Variants in PRRC2B observed in about 807,000 individuals in gnomAD.
PRRC2B encodes the protein proline rich coiled-coil 2B.
Under a neutral mutation model 242.3 loss-of-function variants are expected in PRRC2B, and 68 were observed. The ratio of observed to expected loss-of-function variants is 0.28; its 90% CI spans 0.23 to 0.34. The LOEUF (loss-of-function observed/expected upper bound fraction) is 0.34. Ranked by LOEUF, PRRC2B falls within the 10% of genes least tolerant of loss-of-function variation. The probability of loss-of-function intolerance (pLI) is 1.00; values close to 1 mark genes in which losing one functional copy is unlikely to be tolerated. For synonymous variants in PRRC2B, 1,228 were observed against 1,173.6 expected, an observed-to-expected ratio of 1.05 and a Z score of -0.95; for missense variants, 2,835 against 2,954.8, an observed-to-expected ratio of 0.96 and a Z score of 0.94.
intron 15 of PRRC2B, among the ~76,000 whole-genome samples, chr9:131,473,977 G>GGGCAGGCGGGTGGGGGCTTCACAA (rs1943615424): frequency 6.6e-6 from 1 of 152,202 alleles, no homozygotes; most frequent in Admixed American, 6.5e-5. Context: ...CCTGGGCACA[G>GGGCAGGCGGGTGGGGGCTTCACAA]GGCAGGCGGG....
chr9:131,398,945 T>C (rs1837142803), intron 1 of PRRC2B, among the ~76,000 whole-genome samples: 2 of 152,064 alleles, frequency 1.3e-5, no homozygotes, highest in African/African-American at 4.8e-5. Flanking sequence ...GCCACTGCAC[T>C]CTAGCCTGGG....
intron 2 of PRRC2B, among the ~76,000 whole-genome samples, chr9:131,431,585 AT>A (rs756659610): frequency 0.011 from 1,410 of 132,944 alleles, 10 homozygotes; most frequent in Middle Eastern, 0.031. Flanking sequence ...TTAATAAAGA[AT>A]TTTTTTTTTT....
intron 1 of PRRC2B, among the ~76,000 whole-genome samples, chr9:131,380,556 A>C (rs1475342849): frequency 6.7e-6 from 1 of 150,374 alleles, no homozygotes; most frequent in Non-Finnish European, 1.5e-5. Flanking sequence ...TCCAGCCTGC[A>C]AAACAGAGCA....
rs568229258 is a variant in PRRC2B, at chr9:131,450,808, G to A, written c.1120+3004G>A. On this transcript the variant is annotated intron_variant, in intron 9 of 31. Transcript: ENST00000683519. ...TCACCATGTTGGCCAGGCTGATCTC[G>A]AACTCCTGACCTCAGGTGATAGGTC... is the stretch of plus-strand genomic sequence containing the variant. 7.9e-5 allele frequency among the ~76,000 whole-genome samples: 12 copies of A among 151,898 alleles called. No homozygotes were observed. The South Asian group carries it at 1.3e-3, about 16-fold the overall frequency.
intron 13 of PRRC2B, 84 bp from the exon 14 acceptor site, chr9:131,470,704 G>A: frequency 8.5e-7 from 1 of 1,171,702 alleles, no homozygotes; most frequent in Non-Finnish European, 1.2e-6. Context: ...GCTGCCAGCT[G>A]GAAAGCTGGA....
intron 1 of PRRC2B, among the ~76,000 whole-genome samples, chr9:131,426,946 G>A (rs1257749705): frequency 6.6e-6 from 1 of 152,210 alleles, no homozygotes; most frequent in Non-Finnish European, 1.5e-5. Context: ...ATTTGGGTGA[G>A]GGAAGGGAGT....
chr9:131,383,832 A>G (rs1193434234), intron 1 of PRRC2B, among the ~76,000 whole-genome samples: 1 of 151,854 alleles, frequency 6.6e-6, no homozygotes. Context: ...TGTGTTAGCC[A>G]GGATGGTCTG....
At chr9:131,402,113 G>C in intron 1 of PRRC2B, among the ~76,000 whole-genome samples, 1 of 152,106 alleles carries the variant, frequency 6.6e-6, no homozygotes, top group Middle Eastern at 3.4e-3. Context: ...GGGATTACAG[G>C]TCTGGCTAAT....
chr9:131,439,789 A>G (rs1240370605), intron 5 of PRRC2B, among the ~76,000 whole-genome samples: 1 of 152,218 alleles, frequency 6.6e-6, no homozygotes, highest in Non-Finnish European at 1.5e-5. Flanking sequence ...GCAGGAGTGC[A>G]GTGGCACAAT....
At chr9:131,439,204 C>T (rs1186504807) in intron 5 of PRRC2B, 143 bp downstream of exon 5, 3 of 688,204 alleles carry the variant, frequency 4.4e-6, no homozygotes, top group Non-Finnish European at 7.7e-6. Context: ...GGAGCCCTTG[C>T]CTGTGCACAG....
Position 131,484,763 on chromosome 9 carries a change from C to T in PRRC2B, c.5538C>T (p.Ser1846=), listed in dbSNP as rs768577055. The T allele has an allele frequency of 6.2e-7, 1 of 1,612,266 alleles. No individual in the cohort carries two copies. The highest frequency in any genetic ancestry group is 8.5e-7 in the Non-Finnish European group (1 of 1,178,876). The change falls in exon 24 of 32, where the codon TCC becomes TCT. Residue 1846 remains serine (S), a synonymous_variant. Transcript: ENST00000683519. ...IQRAIGLSPM[S]FPTADLTLKM... is the part of the protein sequence containing the mutation. ...GGGCCATCGGTCTCTCCCCAATGTC[C>T]TTCCCCACCGCCGACCTTACTCTGA... is the stretch of plus-strand genomic sequence containing the variant.
chr9:131,485,507 G>T (rs1943995235), intron 25 of PRRC2B, among the ~76,000 whole-genome samples: 1 of 152,218 alleles, frequency 6.6e-6, no homozygotes, highest in African/African-American at 2.4e-5. Context: ...ACTCCGTGGG[G>T]TGGCCACACC....
chr9:131,393,936 C>T (rs928158194), upstream of PRRC2B, among the ~76,000 whole-genome samples: 1 of 150,968 alleles, frequency 6.6e-6, no homozygotes, highest in African/African-American at 2.4e-5. Context: ...GCCCGGCCCC[C>T]GGGCCGATCC....
At chr9:131,476,595 AGTTCACGCATGCATGCCGATGCCGCCGT>A in intron 16 of PRRC2B, 60 bp downstream of exon 16, 7 of 1,468,444 alleles carry the variant, frequency 4.8e-6, no homozygotes, top group Non-Finnish European at 6.4e-6. Context: ...AGCAGCACTG[AGTTCACGCATGCATGCCGATGCCGCCGT>A]GTGTCGGGGC....
rs199659397 is a variant in PRRC2B at position 131,421,944 on chromosome 9, A to G, written c.-51-8150A>G. Reference sequence around the variant, plus strand: ...GCAGATTCCAGGTCGTGGGGCATTCAGTCTGCAGCCTGGTGGCGTCCAGTG... The same window carrying G: ...GCAGATTCCAGGTCGTGGGGCATTCGGTCTGCAGCCTGGTGGCGTCCAGTG... On this transcript the variant is annotated intron_variant, in intron 1 of 31. Transcript: ENST00000683519. Among the ~76,000 whole-genome samples, 60 of 152,348 alleles carry G rather than the reference A, an allele frequency of 3.9e-4. No homozygotes were observed. In the East Asian group the frequency reaches 0.01, roughly 26 times the overall value.
intron 5 of PRRC2B, among the ~76,000 whole-genome samples, chr9:131,440,514 G>A (rs957139323): frequency 6.6e-6 from 1 of 152,224 alleles, no homozygotes. Flanking sequence ...CCAGTTTGGC[G>A]CTGCCTGGCA....
At chr9:131,427,085 C>T (rs991771133) in intron 1 of PRRC2B, among the ~76,000 whole-genome samples, 57 of 152,182 alleles carry the variant, frequency 3.7e-4, no homozygotes, top group Admixed American at 2.6e-3. Flanking sequence ...GCTTATCCCT[C>T]GGCATCCATC....
At chr9:131,463,494 C>T (rs1272732168) in intron 11 of PRRC2B, among the ~76,000 whole-genome samples, 1 of 152,054 alleles carries the variant, frequency 6.6e-6, no homozygotes. Context: ...GACAGCTGTC[C>T]ATCATTTGTC....
rs927198370 is a variant in PRRC2B, at chr9:131,484,850, G to A, written c.5565+60G>A. 3.2e-6 allele frequency: 5 copies of A among 1,564,050 alleles called. No individual in the cohort carries two copies. In the African/African-American group the frequency reaches 6.8e-5, roughly 21 times the overall value. ...CAGTACCTTAGCTTACAAAGAGGCA[G>A]AAGGGAGGAGTCCCCGAACCCCTAA... On this transcript the variant is annotated intron_variant, in intron 24 of 31. Transcript: ENST00000683519.
Sources: allele counts gnomAD v4.1 joint callset (sites outside exome capture counted in the v4.1 genomes callset), GRCh38; gene constraint gnomAD v4.1.1; transcripts MANE v1.5; gene names NCBI Gene and HGNC (gene_info 2026-07-23, HGNC 2026-07-21).